INPP4B: variants seen among roughly 807,000 people sequenced by gnomAD.
INPP4B encodes the protein inositol polyphosphate-4-phosphatase type II B.
INPP4B carries 55 observed loss-of-function variants against 122.5 expected under a neutral mutation model. That is an observed-to-expected ratio of 0.45 (90% CI 0.36 to 0.56). The LOEUF is 0.56. Among genes scored for constraint, INPP4B ranks in the 20% least tolerant of loss-of-function variants. INPP4B has a pLI of 0.00. For missense variants in INPP4B, 1,000 were observed against 1,097.7 expected, an observed-to-expected ratio of 0.91 and a Z score of 1.26; for synonymous variants, 403 against 388.7, an observed-to-expected ratio of 1.04 and a Z score of -0.43.
chr4:142,031,724 A>G (rs1048663873), intron 25 of INPP4B, among the ~76,000 whole-genome samples: 2 of 152,204 alleles, frequency 1.3e-5, no homozygotes, highest in Admixed American at 1.3e-4. Flanking sequence ...TATTTTTTAA[A>G]GTGACTAAGA....
At chr4:142,642,326 A>G (rs1199575288) in intron 2 of INPP4B, among the ~76,000 whole-genome samples, 1 of 152,088 alleles carries the variant, frequency 6.6e-6, no homozygotes, top group Non-Finnish European at 1.5e-5. Flanking sequence ...GGTGTTTTAG[A>G]CATGAAGTCT....
At chr4:142,720,574 C>A (rs181006745) in intron 2 of INPP4B, among the ~76,000 whole-genome samples, 48 of 151,268 alleles carry the variant, frequency 3.2e-4, no homozygotes, top group Non-Finnish European at 4.0e-4. Context: ...ACAGTGTAAA[C>A]GCTATATAAA....
chr4:142,374,210 T>A (rs1283982997), intron 7 of INPP4B, among the ~76,000 whole-genome samples: 1 of 151,942 alleles, frequency 6.6e-6, no homozygotes, highest in East Asian at 1.9e-4. Context: ...TCTCAGTGCT[T>A]AAGTAACTGG....
chr4:142,709,965 C>CA (rs904030701), intron 2 of INPP4B, among the ~76,000 whole-genome samples: 3 of 152,206 alleles, frequency 2.0e-5, no homozygotes, highest in Admixed American at 2.0e-4. Flanking sequence ...TTCTGACTTT[C>CA]AAAAAATATA....
chr4:142,201,626 C>T (rs1840665240), intron 14 of INPP4B, among the ~76,000 whole-genome samples: 1 of 151,756 alleles, frequency 6.6e-6, no homozygotes, highest in South Asian at 2.1e-4. Context: ...TCATTCTTAG[C>T]TGGGGCAGTT....
intron 2 of INPP4B, among the ~76,000 whole-genome samples, chr4:142,725,333 GTATTTTGCATGA>G (rs1765206633): frequency 6.6e-6 from 1 of 152,050 alleles, no homozygotes; most frequent in East Asian, 1.9e-4. Context: ...AAGAAAATAT[GTATTTTGCATGA>G]GGGTGTCTTC....
chr4:142,258,338 C>A (rs1304026151), intron 11 of INPP4B, among the ~76,000 whole-genome samples: 55 of 151,400 alleles, frequency 3.6e-4, no homozygotes, highest in East Asian at 1.6e-3. Flanking sequence ...GCAACAAAAG[C>A]CAAAATTGAC....
At chr4:142,465,321 C>T (rs1340653201) in intron 2 of INPP4B, among the ~76,000 whole-genome samples, 1 of 152,034 alleles carries the variant, frequency 6.6e-6, no homozygotes, top group African/African-American at 2.4e-5. Context: ...TACTAAAACC[C>T]AATGAAGTGT....
chr4:142,578,408 T>C (rs1377438500), intron 2 of INPP4B, among the ~76,000 whole-genome samples: 1 of 151,986 alleles, frequency 6.6e-6, no homozygotes, highest in East Asian at 1.9e-4. Context: ...AAATATGGGA[T>C]GACTTAACAG....
At chr4:142,805,531 A>T (rs1180787670) in intron 1 of INPP4B, among the ~76,000 whole-genome samples, 1 of 152,150 alleles carries the variant, frequency 6.6e-6, no homozygotes, top group Non-Finnish European at 1.5e-5. Context: ...GGGTCCACTT[A>T]CATGCAGATT....
chr4:142,535,092 T>C (rs1828031820), intron 2 of INPP4B, among the ~76,000 whole-genome samples: 3 of 152,200 alleles, frequency 2.0e-5, no homozygotes, highest in Non-Finnish European at 2.9e-5. Flanking sequence ...TGAGGGACTA[T>C]ATAAATGACT....
At chr4:142,104,748 TA>T (rs1233134540) in intron 23 of INPP4B, among the ~76,000 whole-genome samples, 1 of 152,132 alleles carries the variant, frequency 6.6e-6, no homozygotes, top group Non-Finnish European at 1.5e-5. Flanking sequence ...TTTTCTTATA[TA>T]AAATGACACA....
chr4:142,410,692 T>C (rs994943857), intron 5 of INPP4B, among the ~76,000 whole-genome samples: 7 of 152,172 alleles, frequency 4.6e-5, no homozygotes, highest in African/African-American at 1.7e-4. Context: ...TCTCTTTGAA[T>C]CTCTATTCTA....
chr4:142,145,750 T>G, intron 18 of INPP4B, 90 bp downstream of exon 18: 5 of 1,278,574 alleles, frequency 3.9e-6, no homozygotes, highest in Non-Finnish European at 5.6e-6. Flanking sequence ...AAAGATACTA[T>G]TGACTCCTCT....
intron 1 of INPP4B, among the ~76,000 whole-genome samples, chr4:142,734,715 G>A (rs1184561727): frequency 2.6e-5 from 4 of 152,088 alleles, no homozygotes; most frequent in African/African-American, 7.2e-5. Context: ...GGGCGATCTC[G>A]GCTCACTGCA....
intron 2 of INPP4B, among the ~76,000 whole-genome samples, chr4:142,617,672 A>C (rs146441280): frequency 6.6e-6 from 1 of 152,274 alleles, no homozygotes; most frequent in South Asian, 2.1e-4. Context: ...CTGCTTCCCA[A>C]GCACATGACT....
intron 2 of INPP4B, among the ~76,000 whole-genome samples, chr4:142,712,299 A>G (rs1293445839): frequency 1.3e-5 from 2 of 152,192 alleles, no homozygotes; most frequent in African/African-American, 4.8e-5. Context: ...CAAAAATAAG[A>G]GGTGTTTATA....
In INPP4B at chr4:142,305,470, A is replaced by G. The variant is rs753433691; in HGVS notation, c.491T>C (p.Val164Ala). The G allele has an allele frequency of 2.2e-5, 35 of 1,612,346 alleles. No individual in the cohort carries two copies. The highest frequency in any genetic ancestry group is 2.9e-5 in the Non-Finnish European group (34 of 1,178,930). The change falls in exon 9 of 26, where the codon GTC becomes GCC. Residue 164 changes from valine (V) to alanine (A), a missense_variant. Transcript: ENST00000262992. Reference sequence around the variant, plus strand: ...CAAAGAGACCCACCTCAGGCTCAGGACCAGCAATTGCTCCTTTGACTTCAG... The same window carrying G: ...CAAAGAGACCCACCTCAGGCTCAGGGCCAGCAATTGCTCCTTTGACTTCAG... ...ELLKSKEQLL[V>A]LSLRTSDGGK...
intron 7 of INPP4B, among the ~76,000 whole-genome samples, chr4:142,335,853 G>A (rs374825577): frequency 5.9e-5 from 9 of 152,046 alleles, no homozygotes; most frequent in African/African-American, 1.2e-4. Context: ...CAAATTCCTC[G>A]CCAGACAAGG....
Sources: allele counts gnomAD v4.1 joint callset (sites outside exome capture counted in the v4.1 genomes callset), GRCh38; gene constraint gnomAD v4.1.1; transcripts MANE v1.5; gene names NCBI Gene and HGNC (gene_info 2026-07-23, HGNC 2026-07-21).